Variants in SHANK1 observed in about 807,000 individuals in gnomAD.
SHANK1 encodes the protein SH3 and multiple ankyrin repeat domains 1, also known as SH3 and multiple ankyrin repeat domains protein 1.
In SHANK1, 35 loss-of-function variants were observed where a neutral mutation model predicts 165.6. The ratio of observed to expected loss-of-function variants is 0.21; its 90% confidence interval spans 0.16 to 0.28. The LOEUF (loss-of-function observed/expected upper bound fraction) is 0.28, where lower values mean the gene tolerates loss of function less well. SHANK1 is among the 10% of genes least tolerant of loss of function. The pLI is 1.00. For missense variants in SHANK1, 2,681 were observed against 3,036.4 expected, an observed-to-expected ratio of 0.88 and a Z score of 2.75; for synonymous variants, 1,428 against 1,384.8, an observed-to-expected ratio of 1.03 and a Z score of -0.69.
rs561190539 is a variant in SHANK1 at position 50,680,763 on chromosome 19, C to T, written c.2577+5474G>A. On this transcript the variant is annotated intron_variant, in intron 21 of 23. Transcript: ENST00000293441. ...CTCTGCCTCCCAGGTTCAAGCGATT[C>T]TCCTGTCCCATGCTCCCGAGTAGCT... Among the ~76,000 whole-genome samples the T allele has an allele frequency of 4.2e-4, 64 of 151,914 alleles. No individual in the cohort carries two copies. In the Middle Eastern group the frequency reaches 0.024, roughly 57 times the overall value.
intron 4 of SHANK1, 32 bp downstream of exon 4, chr19:50,715,627 A>G (rs1372372204): frequency 1.2e-6 from 2 of 1,601,464 alleles, no homozygotes; most frequent in Non-Finnish European, 1.7e-6. Flanking sequence ...GTAGGGGGCT[A>G]TAGGGGATAG....
At chr19:50,674,811 C>T (rs1985922680) in intron 21 of SHANK1, among the ~76,000 whole-genome samples, 1 of 152,020 alleles carries the variant, frequency 6.6e-6, no homozygotes, top group Non-Finnish European at 1.5e-5. Flanking sequence ...CCTGTAATCC[C>T]AGCACTTCGG....
intron 15 of SHANK1, among the ~76,000 whole-genome samples, chr19:50,694,728 G>A (rs527877921): frequency 1.3e-4 from 18 of 142,254 alleles, no homozygotes; most frequent in Non-Finnish European, 2.5e-4. Flanking sequence ...GAGACCAGGG[G>A]CCCGAAAGGG....
chr19:50,699,060 G>T (rs1022645285), intron 12 of SHANK1, among the ~76,000 whole-genome samples: 1 of 152,236 alleles, frequency 6.6e-6, no homozygotes, highest in Non-Finnish European at 1.5e-5. Context: ...TAGGGGTTGA[G>T]TTGGGGCCAT....
In SHANK1 at chr19:50,668,570, C is replaced by T. The variant is rs1985661053; in HGVS notation, c.3390G>A (p.Pro1130=). 2 of 1,330,762 alleles carry T rather than the reference C, an allele frequency of 1.5e-6. No individual in the cohort carries two copies. The highest frequency in any genetic ancestry group is 1.9e-6 in the Non-Finnish European group (2 of 1,039,792). 82.4% of individuals were successfully genotyped at this position (1,330,762 alleles called of 1,614,324 possible). Reference sequence around the variant, plus strand: ...GCGGGGAGGCCGGGGACGTGGGCGACGGCGCGGGCGGGAGGCCGCCGCCCT... The same window carrying T: ...GCGGGGAGGCCGGGGACGTGGGCGATGGCGCGGGCGGGAGGCCGCCGCCCT... ...PQKGGGLPPA[P]SPTSPASPQP... is the part of the protein sequence containing the mutation. The change falls in exon 23 of 24, where the codon CCG becomes CCA. Residue 1130 remains proline, a synonymous_variant. Coordinates refer to ENST00000293441, the MANE Select transcript of SHANK1 (RefSeq NM_016148.5).
In SHANK1 at chr19:50,666,264, C is replaced by G; in HGVS notation, c.5696G>C (p.Gly1899Ala). Residue 1899 changes from glycine (G) to alanine (A), a missense_variant, in exon 23 of 24, where the codon GGG (glycine) becomes GCG (alanine). Around this residue, in one of 10 missense-constraint regions of SHANK1, gnomAD observed 1,713 missense variants for 1,630.2 expected, o/e 1.05. Coordinates refer to ENST00000293441, the MANE Select transcript of SHANK1 (RefSeq NM_016148.5). Reference sequence around the variant, plus strand: ...CCCGTGGTGGCTGTCTCCGCCTCCCCCACTGCCTCCTCGGGCCCAGGGCAG... The same window carrying G: ...CCCGTGGTGGCTGTCTCCGCCTCCCGCACTGCCTCCTCGGGCCCAGGGCAG... The part of the protein sequence containing the change: ...GALPWARGGS[G>A]GGGDSHHGGA... 1 of 1,610,916 alleles carries G rather than the reference C, an allele frequency of 6.2e-7. No homozygotes were observed.
chr19:50,715,574 G>A, intron 4 of SHANK1, 85 bp downstream of exon 4: 1 of 1,216,146 alleles, frequency 8.2e-7, no homozygotes, highest in African/African-American at 1.5e-5. Flanking sequence ...GGTCTATTGG[G>A]AAGAGGTGGG....
rs1296699750 is a variant in SHANK1 at position 50,686,928 on chromosome 19, G to T, written c.2390-116C>A. 7.3e-7 allele frequency: 1 copy of T among 1,372,954 alleles called. No individual in the cohort carries two copies. The highest frequency in any genetic ancestry group is 9.8e-7 in the Non-Finnish European group (1 of 1,022,244). The allele number at this position is 1,372,954 out of a possible 1,614,324, so 85.0% of individuals were successfully genotyped here. The stretch of plus-strand genomic sequence containing the variant: ...CCAGTGGGCGTGGCGGGCGCGAGAG[G>T]GGCAGTGAGGGGCCGGGGTCAGGGA... On this transcript the variant is annotated intron_variant, in intron 19 of 23. Transcript: ENST00000293441. This position sits in a 1 kb window ranked among gnomAD's most constrained non-coding sequence, Gnocchi z 5.7.
chr19:50,666,530 G>A lies in SHANK1; in HGVS notation c.5430C>T (p.Gly1810=), dbSNP rs770678405. ...LRACSGPPTA[G]VAGGPVAVEP... Reference sequence around the variant, plus strand: ...CTACAGCCACCGGACCCCCCGCCACGCCTGCCGTGGGGGGTCCTGAACAAG... The same window carrying A: ...CTACAGCCACCGGACCCCCCGCCACACCTGCCGTGGGGGGTCCTGAACAAG... The change falls in exon 23 of 24, where the codon GGC becomes GGT. Residue 1810 remains glycine, a synonymous_variant. Transcript: ENST00000293441. The A allele has an allele frequency of 1.3e-6, 2 of 1,591,400 alleles. No individual in the cohort carries two copies. The highest frequency in any genetic ancestry group is 3.5e-5 in the Admixed American group (2 of 56,526).
rs12975345 is a variant in SHANK1 at position 50,687,915 on chromosome 19, A to G, written c.2308+8T>C. On this transcript the variant is annotated splice_region_variant and intron_variant, in intron 18 of 23. Transcript: ENST00000293441. ...GTGGGGTGGCTGCGAGAGTGGCCGC[A>G]GGAGCACCTTTCTTGTGCACTGCCT... is the stretch of plus-strand genomic sequence containing the variant. The G allele has an allele frequency of 0.23, 363,262 of 1,613,510 alleles. 44,500 individuals are homozygous for G. Among genetic ancestry groups the G allele is most frequent in the Non-Finnish European group, 0.26 (302,744 of 1,179,684 alleles).
chr19:50,665,257 A>G (rs1482942848), intron 23 of SHANK1, among the ~76,000 whole-genome samples: 1 of 152,152 alleles, frequency 6.6e-6, no homozygotes, highest in Admixed American at 6.5e-5. Flanking sequence ...TTGTCTCTAC[A>G]AAAAGTTAAA....
Position 50,667,799 on chromosome 19 carries a change from G to A in SHANK1, c.4161C>T (p.Ala1387=). 7.7e-7 allele frequency: 1 copy of A among 1,293,468 alleles called. No homozygotes were observed. Among genetic ancestry groups the A allele is most frequent in the East Asian group, 3.2e-5 (1 of 31,634 alleles). 80.1% of individuals were successfully genotyped at this position (1,293,468 alleles called of 1,614,324 possible). A position where few individuals can be genotyped will look rare whatever the true frequency, so the allele number is the denominator to read the frequency against. The change falls in exon 23 of 24, where the codon GCC becomes GCT. Residue 1387 remains alanine, a synonymous_variant. Coordinates refer to ENST00000293441, the MANE Select transcript of SHANK1 (RefSeq NM_016148.5). This position sits in a 1 kb window ranked among gnomAD's most constrained non-coding sequence, Gnocchi z 5.7. ...PPRPPSPRYE[A]PPPTPHHHSP... The stretch of plus-strand genomic sequence containing the variant: ...AGTGGTGGTGCGGGGTGGGCGGCGG[G>A]GCCTCGTAGCGGGGCGATGGGGGCC...
rs1376770453 is a variant in SHANK1 at position 50,660,076 on chromosome 19, C to T, written c.*1889G>A. Among the ~76,000 whole-genome samples, 1 of 149,478 alleles carries T rather than the reference C, an allele frequency of 6.7e-6. No individual in the cohort carries two copies. The highest frequency in any genetic ancestry group is 1.5e-5 in the Non-Finnish European group (1 of 67,322). On this transcript the variant is annotated 3_prime_UTR_variant, in exon 24 of 24. Transcript: ENST00000293441. Reference sequence around the variant, plus strand: ...TAGGGGGCAGCAGAGGGGGAATGGGCTTGGGGAAGGAGGGGGAGCTCCCTT... The same window carrying T: ...TAGGGGGCAGCAGAGGGGGAATGGGTTTGGGGAAGGAGGGGGAGCTCCCTT...
At position 50,668,336 on chromosome 19, in the gene SHANK1, G is replaced by C. The variant is rs1284855872; in HGVS notation, c.3624C>G (p.Pro1208=). The part of the protein sequence containing the change: ...PSPAPAMSPV[P]PSPSPVPTPA... Reference sequence around the variant, plus strand: ...GGGTGGGCACGGGCGAGGGGGACGGGGGCACGGGTGACATGGCCGGGGCGG... The same window carrying C: ...GGGTGGGCACGGGCGAGGGGGACGGCGGCACGGGTGACATGGCCGGGGCGG... Residue 1208 remains proline, a synonymous_variant, in exon 23 of 24, where the codon CCC becomes CCG. Coordinates refer to ENST00000293441, the MANE Select transcript of SHANK1 (RefSeq NM_016148.5). 1 of 1,263,568 alleles carries C rather than the reference G, an allele frequency of 7.9e-7. No homozygotes were observed. Among genetic ancestry groups the C allele is most frequent in the African/African-American group, 1.6e-5 (1 of 64,192 alleles). 78.3% of individuals were successfully genotyped at this position (1,263,568 alleles called of 1,614,324 possible).
chr19:50,686,718 C>A lies in SHANK1; in HGVS notation c.2458+26G>T, dbSNP rs1477988775. On this transcript the variant is annotated intron_variant, in intron 20 of 23. Transcript: ENST00000293441. This position sits in a 1 kb window ranked among gnomAD's most constrained non-coding sequence, Gnocchi z 5.7. Reference sequence around the variant, plus strand: ...GTGCCGGGGCTGGGGCCCGGCATCCCGAGGAGCAGGGCTGGGCCGTCTTAC... The same window carrying A: ...GTGCCGGGGCTGGGGCCCGGCATCCAGAGGAGCAGGGCTGGGCCGTCTTAC... 2 of 1,609,622 alleles carry A rather than the reference C, an allele frequency of 1.2e-6. No individual in the cohort carries two copies. The highest frequency in any genetic ancestry group is 2.2e-5 in the East Asian group (1 of 44,632).
In SHANK1 at chr19:50,697,812, C is replaced by T. The variant is rs1312237687; in HGVS notation, c.1861+31G>A. 1 of 1,573,624 alleles carries T rather than the reference C, an allele frequency of 6.4e-7. No individual in the cohort carries two copies. The highest frequency in any genetic ancestry group is 8.7e-7 in the Non-Finnish European group (1 of 1,144,326). On this transcript the variant is annotated intron_variant, in intron 13 of 23. Transcript: ENST00000293441. The surrounding 1 kb of genome is among the most constrained non-coding windows in gnomAD (Gnocchi z 4.7). Reference sequence around the variant, plus strand: ...GGAGTGGACGTGGGAATCCTAGGGTCCATTGAACACTGCTGGGGGTTCCGC... The same window carrying T: ...GGAGTGGACGTGGGAATCCTAGGGTTCATTGAACACTGCTGGGGGTTCCGC...
chr19:50,687,192 C>T (rs1375889332), intron 19 of SHANK1, among the ~76,000 whole-genome samples: 1 of 151,834 alleles, frequency 6.6e-6, no homozygotes, highest in African/African-American at 2.4e-5. Context: ...ATGGGACCCC[C>T]AGGTCCACTC....
At chr19:50,710,200 G>T (rs913025368) in intron 8 of SHANK1, among the ~76,000 whole-genome samples, 1 of 152,190 alleles carries the variant, frequency 6.6e-6, no homozygotes, top group Non-Finnish European at 1.5e-5. Flanking sequence ...AGGAGCACGT[G>T]GGGAGAGAAG....
Position 50,691,073 on chromosome 19 carries a change from C to T in SHANK1, c.1965-1794G>A, listed in dbSNP as rs1044257470. Among the ~76,000 whole-genome samples, 3 of 152,224 alleles carry T rather than the reference C, an allele frequency of 2.0e-5. No individual in the cohort carries two copies. In the East Asian group the frequency reaches 5.8e-4, roughly 29 times the overall value. On this transcript the variant is annotated intron_variant, in intron 15 of 23. Coordinates refer to ENST00000293441, the MANE Select transcript of SHANK1 (RefSeq NM_016148.5). The stretch of plus-strand genomic sequence containing the variant: ...GTCCTCGCTCAAAGTTCGTAACAGT[C>T]CAGTAAACTCATCCACACCATACCC...
Sources: gnomAD v4.1 joint callset for allele counts (sites outside exome capture counted in the v4.1 genomes callset) on GRCh38, gnomAD v4.1.1 for gene constraint, gnomAD v4.1.1 regional missense constraint, Gnocchi (gnomAD v3.1) non-coding constraint, MANE v1.5 for transcripts, NCBI Gene and HGNC (gene_info 2026-07-23, HGNC 2026-07-21) for gene names.